Variants in BTN2A2 observed in about 807,000 individuals in gnomAD.
The protein encoded by BTN2A2 is butyrophilin 2.
In BTN2A2, 29 loss-of-function variants were observed where a neutral mutation model predicts 34.7. That is an observed-to-expected ratio of 0.84 (90% confidence interval 0.62 to 1.14). The LOEUF is 1.14. BTN2A2 is among the 50% of genes most tolerant of loss of function. The probability of loss-of-function intolerance (pLI) is 0.00; values close to 1 mark genes in which losing one functional copy is unlikely to be tolerated. For synonymous variants in BTN2A2, 240 were observed against 253.1 expected (o/e 0.95, Z 0.49); for missense variants, 612 against 651.5 (o/e 0.94, Z 0.66).
chr6:26,389,911 G>C (rs988959026), intron 4 of BTN2A2, 94 bp from the exon 5 acceptor site: 1 of 1,202,674 alleles, frequency 8.3e-7, no homozygotes, highest in African/African-American at 1.5e-5. Context: ...CAACAGAACA[G>C]GTGGCTGAGG....
In BTN2A2 at chr6:26,392,418, C is replaced by T. The variant is rs1761638400; in HGVS notation, c.1023C>T (p.Phe341=). The T allele has an allele frequency of 6.2e-7, 1 of 1,614,106 alleles. No homozygotes were observed. Among genetic ancestry groups the T allele is most frequent in the Admixed American group, 1.7e-5 (1 of 60,000 alleles). The change falls in exon 8 of 8, where the codon TTC becomes TTT. Residue 341 remains phenylalanine, a synonymous_variant. Transcript: ENST00000356709. The part of the protein sequence containing the change: ...LDPDTAHPEL[F]LSEDRRSVRR... Reference sequence around the variant, plus strand: ...CAGACACCGCTCATCCCGAGCTCTTCCTGTCAGAGGACCGGAGAAGTGTGA... The same window carrying T: ...CAGACACCGCTCATCCCGAGCTCTTTCTGTCAGAGGACCGGAGAAGTGTGA...
intron 7 of BTN2A2, 32 bp from the exon 8 acceptor site, chr6:26,392,343 C>G (rs781273263): frequency 6.2e-7 from 1 of 1,614,116 alleles, no homozygotes; most frequent in South Asian, 1.1e-5. Flanking sequence ...GTTCCTGAGA[C>G]CCCAGGCATA....
Position 26,385,190 on chromosome 6 carries a change from G to T in BTN2A2, c.270G>T (p.Glu90Asp). The T allele has an allele frequency of 6.2e-7, 1 of 1,614,072 alleles. No homozygotes were observed. The highest frequency in any genetic ancestry group is 8.5e-7 in the Non-Finnish European group (1 of 1,179,980). ...ATAAGGGTGGGAGAGAGAGAACAGA[G>T]GAGCAGATGGAGGAGTACCGGGGAA... ...FVYKGGRERT[E>D]EQMEEYRGRI... Residue 90 changes from glutamate (E) to aspartate (D), a missense_variant, in exon 3 of 8, where the codon GAG becomes GAT. By Grantham distance (45) the Glu-to-Asp change is conservative. Transcript: ENST00000356709.
At chr6:26,386,077 G>C (rs1437367777) in intron 3 of BTN2A2, among the ~76,000 whole-genome samples, 1 of 152,110 alleles carries the variant, frequency 6.6e-6, no homozygotes, top group Admixed American at 6.5e-5. Context: ...TATTAATCTT[G>C]ACATTTTCTT....
At position 26,392,682 on chromosome 6, in the gene BTN2A2, C is replaced by G. The variant is rs1432175349; in HGVS notation, c.1287C>G (p.Ala429=). The G allele has an allele frequency of 8.7e-6, 14 of 1,614,084 alleles. No homozygotes were observed. Among genetic ancestry groups the G allele is most frequent in the Non-Finnish European group, 1.2e-5 (14 of 1,180,046 alleles). The change falls in exon 8 of 8, where the codon GCC becomes GCG. Residue 429 remains alanine, a synonymous_variant. Coordinates refer to ENST00000356709, the MANE Select transcript of BTN2A2 (RefSeq NM_006995.5). ...AGATGTTTGGAAACCAATACCGGGC[C>G]CTGTCCTCCCCTGAGAGGATTCTCC... ...TLEMFGNQYR[A]LSSPERILPL...
rs1006833610 is a variant in BTN2A2 at position 26,383,984 on chromosome 6, G to T, written c.94+69G>T. The T allele has an allele frequency of 6.6e-7, 1 of 1,523,224 alleles. No homozygotes were observed. Among genetic ancestry groups the T allele is most frequent in the African/African-American group, 1.4e-5 (1 of 72,848 alleles). The allele number at this position is 1,523,224 out of a possible 1,614,324, so 94.4% of individuals were successfully genotyped here. A position where few individuals can be genotyped will look rare whatever the true frequency, so the allele number is the denominator to read the frequency against. ...ACATCAACCCTGTAGTCTGCAAAGG[G>T]AAAGAAGGAAGAACTGTGGGGTTGT... On this transcript the variant is annotated intron_variant, in intron 2 of 7. Coordinates refer to ENST00000356709, the MANE Select transcript of BTN2A2 (RefSeq NM_006995.5). The surrounding 1 kb of genome is among the most constrained non-coding windows in gnomAD (Gnocchi z 4.4).
Position 26,392,430 on chromosome 6 carries a change from C to T in BTN2A2, c.1035C>T (p.Asp345=), listed in dbSNP as rs1761639672. 9.9e-6 allele frequency: 16 copies of T among 1,614,206 alleles called. No individual in the cohort carries two copies. The highest frequency in any genetic ancestry group is 1.4e-5 in the Non-Finnish European group (16 of 1,180,046). Residue 345 remains aspartate, a synonymous_variant, in exon 8 of 8, where the codon GAC becomes GAT. Transcript: ENST00000356709. ...TAHPELFLSE[D]RRSVRRGPYR... Reference sequence around the variant, plus strand: ...ATCCCGAGCTCTTCCTGTCAGAGGACCGGAGAAGTGTGAGGCGGGGCCCCT... The same window carrying T: ...ATCCCGAGCTCTTCCTGTCAGAGGATCGGAGAAGTGTGAGGCGGGGCCCCT...
intron 7 of BTN2A2, chr6:26,391,872 A>T (rs1314802931): frequency 9.2e-6 from 2 of 217,584 alleles, no homozygotes; most frequent in Non-Finnish European, 1.8e-5. Context: ...GTTGTCACCT[A>T]TTAAAACAAC....
rs753563746 is a variant in BTN2A2 at position 26,384,936 on chromosome 6, G to GTTTTTGT, written c.95-61_95-55dup. ...TCCCTGGAGTTTTTTTTGTTTGTTT[G>GTTTTTGT]TTTTTGTTTTTTGTTTTTTGTTTTG... On this transcript the variant is annotated intron_variant, in intron 2 of 7. Coordinates refer to ENST00000356709, the MANE Select transcript of BTN2A2 (RefSeq NM_006995.5). The surrounding 1 kb of genome is among the most constrained non-coding windows in gnomAD (Gnocchi z 4.0). 5.7e-6 allele frequency: 8 copies of GTTTTTGT among 1,394,276 alleles called. No homozygotes were observed. The highest frequency in any genetic ancestry group is 1.4e-5 in the South Asian group (1 of 71,740). The allele number at this position is 1,394,276 out of a possible 1,614,324, so 86.4% of individuals were successfully genotyped here. A position where few individuals can be genotyped will look rare whatever the true frequency, so the allele number is the denominator to read the frequency against.
intron 3 of BTN2A2, among the ~76,000 whole-genome samples, chr6:26,387,584 G>T (rs72842962): frequency 1.3e-5 from 1 of 79,450 alleles, no homozygotes; most frequent in African/African-American, 1.3e-4. Flanking sequence ...AAAAAAAAAA[G>T]AAAGAAAGGA....
intron 4 of BTN2A2, 32 bp downstream of exon 4, chr6:26,388,326 T>C: frequency 6.2e-7 from 1 of 1,607,990 alleles, no homozygotes; most frequent in Non-Finnish European, 8.5e-7. Flanking sequence ...ACCTATCAAG[T>C]GTATGCAGGA....
intron 3 of BTN2A2, among the ~76,000 whole-genome samples, chr6:26,386,690 G>A (rs930413103): frequency 2.0e-5 from 3 of 152,196 alleles, no homozygotes; most frequent in African/African-American, 7.2e-5. Context: ...TTGGGTTGCT[G>A]TAGGACTTTT....
intron 6 of BTN2A2, 37 bp from the exon 7 acceptor site, chr6:26,390,766 G>C: frequency 6.2e-7 from 1 of 1,614,256 alleles, no homozygotes; most frequent in Non-Finnish European, 8.5e-7. Context: ...TTACTTAGCA[G>C]TGTCTCGTGA....
chr6:26,383,776 T>C lies in BTN2A2; in HGVS notation c.-30-16T>C. On this transcript the variant is annotated splice_polypyrimidine_tract_variant and intron_variant, in intron 1 of 7. Transcript: ENST00000356709. The surrounding 1 kb of genome is among the most constrained non-coding windows in gnomAD (Gnocchi z 4.4). ...GCCAAGACTCCTAGGCTGATTCTCC[T>C]CCTCTGTAACCCTAGGCCTCTGGTC... is the stretch of plus-strand genomic sequence containing the variant. 1 of 1,585,168 alleles carries C rather than the reference T, an allele frequency of 6.3e-7. No individual in the cohort carries two copies. Among genetic ancestry groups the C allele is most frequent in the Non-Finnish European group, 8.7e-7 (1 of 1,153,938 alleles).
At chr6:26,388,703 A>G (rs1761368489) in intron 4 of BTN2A2, among the ~76,000 whole-genome samples, 1 of 152,226 alleles carries the variant, frequency 6.6e-6, no homozygotes, top group Non-Finnish European at 1.5e-5. Context: ...ATCAAGAGAC[A>G]TTCATAAATG....
Position 26,393,315 on chromosome 6 carries a change from C to T in BTN2A2, c.*348C>T. 8.0e-7 allele frequency: 1 copy of T among 1,250,768 alleles called. No homozygotes were observed. Among genetic ancestry groups the T allele is most frequent in the Non-Finnish European group, 1.0e-6 (1 of 982,396 alleles). 77.5% of individuals were successfully genotyped at this position (1,250,768 alleles called of 1,614,324 possible). A position where few individuals can be genotyped will look rare whatever the true frequency, so the allele number is the denominator to read the frequency against. ...ATTAAGCCCAATATGCCAGTTGGCA[C>T]CAGATGCTGTGGACTTGGAATGAGG... On this transcript the variant is annotated 3_prime_UTR_variant, in exon 8 of 8. Transcript: ENST00000356709.
intron 4 of BTN2A2, among the ~76,000 whole-genome samples, 183 bp from the exon 5 acceptor site, chr6:26,389,822 C>T (rs1358279179): frequency 6.6e-6 from 1 of 152,174 alleles, no homozygotes; most frequent in African/African-American, 2.4e-5. Flanking sequence ...CTTCTGGGCC[C>T]GGCCCTGGCA....
chr6:26,392,275 G>C (rs1305965510), intron 7 of BTN2A2, 100 bp from the exon 8 acceptor site: 1 of 1,588,920 alleles, frequency 6.3e-7, no homozygotes, highest in Non-Finnish European at 8.6e-7. Context: ...ACTACATGGG[G>C]AACCCCCTTC....
rs760920581 is a variant in BTN2A2 at position 26,392,944 on chromosome 6, G to T, written c.1549G>T (p.Val517Leu). Reference protein sequence around the residue: ...VPEEGLKLHRVGTHQSL With the variant: ...VPEEGLKLHRLGTHQSL ...TGAAGAGGGCCTGAAACTTCACAGA[G>T]TGGGGACCCACCAGAGCCTATAGAA... is the stretch of plus-strand genomic sequence containing the variant. Residue 517 changes from valine (V) to leucine (L), a missense_variant, in exon 8 of 8, where the codon GTG (valine) becomes TTG (leucine). Physicochemically the swap from Val to Leu is conservative, Grantham distance 32. Coordinates refer to ENST00000356709, the MANE Select transcript of BTN2A2 (RefSeq NM_006995.5). 6 of 1,614,066 alleles carry T rather than the reference G, an allele frequency of 3.7e-6. No homozygotes were observed. Among genetic ancestry groups the T allele is most frequent in the Non-Finnish European group, 5.1e-6 (6 of 1,180,028 alleles).
Sources: allele counts gnomAD v4.1 joint callset (sites outside exome capture counted in the v4.1 genomes callset), GRCh38; gene constraint gnomAD v4.1.1; non-coding constraint Gnocchi (gnomAD v3.1); transcripts MANE v1.5; gene names NCBI Gene and HGNC (gene_info 2026-07-23, HGNC 2026-07-21).